SNX11: variants seen among roughly 807,000 people sequenced by gnomAD.
The protein encoded by SNX11 is sorting nexin-11.
In SNX11, 19 loss-of-function variants were observed where a neutral mutation model predicts 30.7. The ratio of observed to expected loss-of-function variants is 0.62; its 90% confidence interval spans 0.43 to 0.91. SNX11 has a LOEUF of 0.91. SNX11 is among the 40% of genes least tolerant of loss of function. The pLI is 0.00. For synonymous variants in SNX11, 112 were observed against 119.0 expected (o/e 0.94, Z 0.38); for missense variants, 302 against 326.7 (o/e 0.92, Z 0.58).
chr17:48,119,323 C>G (rs2063576230), intron 6 of SNX11, 137 bp downstream of exon 6: 3 of 703,752 alleles, frequency 4.3e-6, no homozygotes, highest in Non-Finnish European at 7.2e-6. Context: ...GGGTGCGTGG[C>G]TTTCTATCCA....
chr17:48,120,636 G>A (rs1333602295), intron 6 of SNX11, among the ~76,000 whole-genome samples: 2 of 149,746 alleles, frequency 1.3e-5, no homozygotes, highest in Non-Finnish European at 3.0e-5. Context: ...AGCCTCCCGA[G>A]TAGCTGGGAC....
chr17:48,118,705 C>T lies in SNX11; in HGVS notation c.232C>T (p.Pro78Ser). 1 of 1,612,926 alleles carries T rather than the reference C, an allele frequency of 6.2e-7. No homozygotes were observed. The highest frequency in any genetic ancestry group is 8.5e-7 in the Non-Finnish European group (1 of 1,178,998). Reference protein sequence around the residue: ...KQLQRNAGLVPVPELPGKSTF... With the variant: ...KQLQRNAGLVSVPELPGKSTF... ...GTGTTATATCATGTGGCTGCACAGG[C>T]CTGTTCCTGAACTTCCTGGGAAGTC... is the stretch of plus-strand genomic sequence containing the variant. Residue 78 changes from proline to serine, a missense_variant and splice_region_variant, in exon 5 of 7, where the codon CCT becomes TCT. Physicochemically the swap from Pro to Ser is moderately conservative, Grantham distance 74. Transcript: ENST00000359238.
At chr17:48,107,664 G>C (rs528862458), upstream of SNX11, 1 of 152,434 alleles carries the variant, frequency 6.6e-6, no homozygotes, top group South Asian at 2.1e-4. Flanking sequence ...ATTCGGAAGC[G>C]GGAATCCCAC....
intron 2 of SNX11, 29 bp downstream of exon 2, chr17:48,112,114 G>A: frequency 6.2e-7 from 1 of 1,608,280 alleles, no homozygotes; most frequent in Non-Finnish European, 8.5e-7. Context: ...GAGAACAGGT[G>A]GGTAAAAGTT....
intron 5 of SNX11, 23 bp from the exon 6 acceptor site, chr17:48,118,951 T>G: frequency 6.2e-7 from 1 of 1,610,398 alleles, no homozygotes; most frequent in Non-Finnish European, 8.5e-7. Flanking sequence ...TGCTCTGTGT[T>G]GTGCTACCTG....
At chr17:48,112,951 T>A in intron 3 of SNX11, 1 of 263,698 alleles carries the variant, frequency 3.8e-6, no homozygotes, top group Non-Finnish European at 7.4e-6. Context: ...TTGGCCAGGC[T>A]GGTTTTGAAC....
rs376166068 is a variant in SNX11 at position 48,113,294 on chromosome 17, T to C, written c.130-7T>C. On this transcript the variant is annotated splice_region_variant and splice_polypyrimidine_tract_variant and intron_variant, in intron 3 of 6. Transcript: ENST00000359238. ...TTTTCATGTACTTCATGTGCTTTCA[T>C]GTATAGACCAACAGCAAAGCCTTTA... 2.0e-5 allele frequency: 32 copies of C among 1,610,988 alleles called. No individual in the cohort carries two copies. Among genetic ancestry groups the C allele is most frequent in the African/African-American group, 2.7e-5 (2 of 74,870 alleles).
intron 1 of SNX11, chr17:48,111,225 C>A: frequency 1.9e-6 from 1 of 538,606 alleles, no homozygotes; most frequent in Non-Finnish European, 2.4e-6. Context: ...AGTGCTCTAG[C>A]TCTATGATTC....
Position 48,119,097 on chromosome 17 carries a change from C to T in SNX11, c.450C>T (p.Ala150=). 1 of 1,614,082 alleles carries T rather than the reference C, an allele frequency of 6.2e-7. No individual in the cohort carries two copies. Among genetic ancestry groups the T allele is most frequent in the East Asian group, 2.2e-5 (1 of 44,876 alleles). Residue 150 remains alanine (A), a synonymous_variant, in exon 6 of 7, where the codon GCC becomes GCT. Transcript: ENST00000359238. ...GAAGTACCATGACTGTGTCTGATGC[C>T]ATTCTTCGATATGCTATGTCAAACT... ...QGRSTMTVSD[A]ILRYAMSNCG...
intron 1 of SNX11, among the ~76,000 whole-genome samples, chr17:48,109,585 T>G (rs2063470629): frequency 2.0e-5 from 3 of 148,114 alleles, no homozygotes; most frequent in Non-Finnish European, 3.0e-5. Flanking sequence ...TTTTTTGTGT[T>G]TTTTTTTTTG....
At position 48,112,587 on chromosome 17, in the gene SNX11, T is replaced by G. The variant is rs759128338; in HGVS notation, c.56T>G (p.Val19Gly). 1 of 1,612,868 alleles carries G rather than the reference T, an allele frequency of 6.2e-7. No homozygotes were observed. The highest frequency in any genetic ancestry group is 2.2e-5 in the East Asian group (1 of 44,874). Reference protein sequence around the residue: ...ENQEQEEVITVRVQDPRVQNE... With the variant: ...ENQEQEEVITGRVQDPRVQNE... ...TCTTACCTACAGGAGGTGATTACAG[T>G]GCGTGTTCAGGACCCCCGAGTGCAG... The change falls in exon 3 of 7, where the codon GTG becomes GGG. Residue 19 changes from valine to glycine, a missense_variant. Val to Gly is a moderately radical substitution (Grantham distance 109, BLOSUM62 -3). Coordinates refer to ENST00000359238, the MANE Select transcript of SNX11 (RefSeq NM_013323.3).
chr17:48,121,583 G>C lies in SNX11; in HGVS notation c.*75G>C. 6.6e-7 allele frequency: 1 copy of C among 1,516,070 alleles called. No homozygotes were observed. The highest frequency in any genetic ancestry group is 9.0e-7 in the Non-Finnish European group (1 of 1,111,984). The allele number at this position is 1,516,070 out of a possible 1,614,324, so 93.9% of individuals were successfully genotyped here. A position where few individuals can be genotyped will look rare whatever the true frequency, so the allele number is the denominator to read the frequency against. ...TTACTCAGGTGGGACTGGGCACAGGGCAGGTATGTGGGAGGCTGGGCTGCT... is the reference window on the plus strand; with the variant it reads ...TTACTCAGGTGGGACTGGGCACAGGCCAGGTATGTGGGAGGCTGGGCTGCT... On this transcript the variant is annotated 3_prime_UTR_variant, in exon 7 of 7. Coordinates refer to ENST00000359238, the MANE Select transcript of SNX11 (RefSeq NM_013323.3).
At chr17:48,112,378 GTC>G (rs1425743991) in intron 2 of SNX11, 194 bp from the exon 3 acceptor site, 25 of 650,830 alleles carry the variant, frequency 3.8e-5, no homozygotes, top group East Asian at 7.6e-5. Context: ...CTATAACAGT[GTC>G]TGACACGTAG....
At chr17:48,117,977 T>C (rs76496631) in intron 4 of SNX11, among the ~76,000 whole-genome samples, 66 of 152,242 alleles carry the variant, frequency 4.3e-4, no homozygotes, top group African/African-American at 1.6e-3. Flanking sequence ...CTCACGTTTA[T>C]GCTACTGCAC....
chr17:48,123,370 G>A lies in SNX11; in HGVS notation c.*1862G>A, dbSNP rs555558683. ...GCTGTGCCTGAAGCTCTCTGATCTC[G>A]AAACTTCCAGACAGGAGCTGGAGGT... On this transcript the variant is annotated 3_prime_UTR_variant, in exon 7 of 7. Transcript: ENST00000359238. Among the ~76,000 whole-genome samples, 18 of 152,170 alleles carry A rather than the reference G, an allele frequency of 1.2e-4. No homozygotes were observed. Among genetic ancestry groups the A allele is most frequent in the African/African-American group, 3.9e-4 (16 of 41,532 alleles).
chr17:48,111,714 G>A (rs2063494154), intron 1 of SNX11, among the ~76,000 whole-genome samples: 1 of 151,580 alleles, frequency 6.6e-6, no homozygotes, highest in South Asian at 2.1e-4. Flanking sequence ...ATTCTTCAAG[G>A]CAAAAGTTTT....
At position 48,122,468 on chromosome 17, in the gene SNX11, T is replaced by C. The variant is rs2063611296; in HGVS notation, c.*960T>C. Reference sequence around the variant, plus strand: ...GGGATGGAGATGAGAAACAACACGCTCTCCTTCAGACAATGAGGCATTCTG... The same window carrying C: ...GGGATGGAGATGAGAAACAACACGCCCTCCTTCAGACAATGAGGCATTCTG... On this transcript the variant is annotated 3_prime_UTR_variant, in exon 7 of 7. Transcript: ENST00000359238. 1 of 153,120 alleles carries C rather than the reference T, an allele frequency of 6.5e-6. No individual in the cohort carries two copies. The highest frequency in any genetic ancestry group is 2.4e-5 in the African/African-American group (1 of 41,414). The allele number at this position is 153,120 out of a possible 1,614,324, so 9.5% of individuals were successfully genotyped here.
At chr17:48,114,246 C>T (rs148006523) in intron 4 of SNX11, among the ~76,000 whole-genome samples, 4,299 of 150,784 alleles carry the variant, frequency 0.029, 84 homozygotes, top group South Asian at 0.053. Flanking sequence ...CTCCACCTCC[C>T]GGGTTCAAGA....
At chr17:48,108,590 T>C (rs1300636519) in intron 1 of SNX11, among the ~76,000 whole-genome samples, 3 of 152,250 alleles carry the variant, frequency 2.0e-5, no homozygotes, top group Non-Finnish European at 4.4e-5. Context: ...ACGATGAATC[T>C]ACTTTGTAAA....
Sources: gnomAD v4.1 joint callset for allele counts (sites outside exome capture counted in the v4.1 genomes callset) on GRCh38, gnomAD v4.1.1 for gene constraint, MANE v1.5 for transcripts, NCBI Gene and HGNC (gene_info 2026-07-23, HGNC 2026-07-21) for gene names.